MAD1L1: variants seen among roughly 807,000 people sequenced by gnomAD.
MAD1L1 encodes the protein mitotic spindle assembly checkpoint protein MAD1.
A neutral mutation model predicts 96.9 loss-of-function variants in MAD1L1; 95 were observed. The observed-to-expected ratio is 0.98, with a 90% CI of 0.83 to 1.16. The LOEUF is 1.16. Ranked by LOEUF, MAD1L1 falls within the 50% of genes most tolerant of loss-of-function variation. The pLI, the probability that MAD1L1 is intolerant of heterozygous loss-of-function variation, is 0.00. For missense variants in MAD1L1, 1,007 were observed against 954.4 expected, an observed-to-expected ratio of 1.06 and a Z score of -0.73; for synonymous variants, 473 against 396.6, an observed-to-expected ratio of 1.19 and a Z score of -2.29.
chr7:2,226,912 A>G (rs987550904), intron 3 of MAD1L1, among the ~76,000 whole-genome samples: 2 of 151,884 alleles, frequency 1.3e-5, no homozygotes, highest in Non-Finnish European at 2.9e-5. Context: ...GCTTGAACCC[A>G]GGAGGCGAAG....
At chr7:1,891,620 C>G (rs1786544662) in intron 18 of MAD1L1, among the ~76,000 whole-genome samples, 1 of 151,976 alleles carries the variant, frequency 6.6e-6, no homozygotes, top group Non-Finnish European at 1.5e-5. Flanking sequence ...CTCTGTCACC[C>G]AGGCTAGAGT....
intron 11 of MAD1L1, among the ~76,000 whole-genome samples, chr7:2,121,224 G>A (rs1787962567): frequency 6.6e-6 from 1 of 152,264 alleles, no homozygotes; most frequent in South Asian, 2.1e-4. Context: ...CCATTTCCAT[G>A]TGAGGTGTAG....
At chr7:2,099,362 C>T (rs993592257) in intron 11 of MAD1L1, among the ~76,000 whole-genome samples, 1 of 152,228 alleles carries the variant, frequency 6.6e-6, no homozygotes, top group Admixed American at 6.5e-5. Context: ...GCCCCTGCCG[C>T]CTTGGCTTCG....
chr7:1,967,760 C>T (rs991555792), intron 15 of MAD1L1, among the ~76,000 whole-genome samples: 4 of 152,328 alleles, frequency 2.6e-5, no homozygotes, highest in African/African-American at 4.8e-5. Context: ...AGGGCGCGGC[C>T]GGCCGCGGGG....
At chr7:2,118,147 G>A (rs540450512) in intron 11 of MAD1L1, among the ~76,000 whole-genome samples, 6 of 152,278 alleles carry the variant, frequency 3.9e-5, no homozygotes, top group East Asian at 1.9e-4. Flanking sequence ...GCCGCCAGCC[G>A]GCCACTCCTG....
chr7:2,065,690 T>C (rs1224731813), intron 12 of MAD1L1, among the ~76,000 whole-genome samples: 1 of 152,096 alleles, frequency 6.6e-6, no homozygotes, highest in Non-Finnish European at 1.5e-5. Flanking sequence ...GGTGTCACCA[T>C]GACAACCACA....
At chr7:1,959,128 T>C (rs1039632788) in intron 15 of MAD1L1, among the ~76,000 whole-genome samples, 1 of 152,156 alleles carries the variant, frequency 6.6e-6, no homozygotes, top group African/African-American at 2.4e-5. Flanking sequence ...GGTACACCCC[T>C]GTAGTCCCAG....
chr7:1,856,500 C>T (rs1411623745), intron 18 of MAD1L1, among the ~76,000 whole-genome samples: 2 of 152,248 alleles, frequency 1.3e-5, no homozygotes, highest in Admixed American at 6.5e-5. Context: ...GGCCAGCTGT[C>T]GGCTAATCTG....
chr7:2,215,909 C>G lies in MAD1L1; in HGVS notation c.900G>C (p.Leu300=). The G allele has an allele frequency of 6.2e-7, 1 of 1,614,214 alleles. No homozygotes were observed. The highest frequency in any genetic ancestry group is 8.5e-7 in the Non-Finnish European group (1 of 1,180,022). The part of the protein sequence containing the change: ...LGRQEKMQET[L]VGLELENERL... ...CCTCGTTCTCCAGCTCCAAGCCAAC[C>G]AGCGTCTCCTGCATCTTCTCCTGGC... Residue 300 remains leucine, a synonymous_variant, in exon 9 of 19, where the codon CTG becomes CTC. Transcript: ENST00000265854.
At chr7:2,031,229 C>A (rs1462308545) in intron 12 of MAD1L1, among the ~76,000 whole-genome samples, 1 of 152,208 alleles carries the variant, frequency 6.6e-6, no homozygotes, top group Non-Finnish European at 1.5e-5. Flanking sequence ...ACCAGGCACA[C>A]AGAGCACGCT....
At chr7:1,930,617 T>C (rs2128460836) in intron 17 of MAD1L1, among the ~76,000 whole-genome samples, 2 of 145,480 alleles carry the variant, frequency 1.4e-5, no homozygotes, top group South Asian at 4.5e-4. Flanking sequence ...GTCCCCTTGC[T>C]TCGTCCCACC....
chr7:1,888,526 G>A (rs999581037), intron 18 of MAD1L1, among the ~76,000 whole-genome samples: 3 of 134,548 alleles, frequency 2.2e-5, no homozygotes, highest in African/African-American at 8.9e-5. Flanking sequence ...GTGCATGCGT[G>A]TGTGGTTGCC....
At chr7:2,010,514 G>C (rs926496651) in intron 13 of MAD1L1, among the ~76,000 whole-genome samples, 6 of 152,206 alleles carry the variant, frequency 3.9e-5, no homozygotes, top group African/African-American at 1.4e-4. Context: ...TCTATCCACA[G>C]AGGACTCCTG....
At chr7:1,977,426 C>G (rs889275166) in intron 15 of MAD1L1, among the ~76,000 whole-genome samples, 2 of 152,240 alleles carry the variant, frequency 1.3e-5, no homozygotes, top group Non-Finnish European at 2.9e-5. Flanking sequence ...GCCCGCCAAG[C>G]CCACGCCCAC....
intron 18 of MAD1L1, among the ~76,000 whole-genome samples, chr7:1,822,727 A>ATTT: frequency 7.4e-6 from 1 of 134,554 alleles, no homozygotes; most frequent in Non-Finnish European, 1.6e-5. Context: ...CCCGGCCAGC[A>ATTT]TTTTTTTTTT....
chr7:1,823,846 C>T (rs1284840258), intron 18 of MAD1L1, among the ~76,000 whole-genome samples: 7 of 152,146 alleles, frequency 4.6e-5, no homozygotes, highest in South Asian at 2.1e-4. Flanking sequence ...GATCTGCAAG[C>T]GCCACGCACC....
chr7:1,901,360 G>T (rs543924080), intron 17 of MAD1L1, among the ~76,000 whole-genome samples: 1 of 152,324 alleles, frequency 6.6e-6, no homozygotes, highest in African/African-American at 2.4e-5. Flanking sequence ...AGAGCCCGGG[G>T]TTCCTCTGGA....
intron 10 of MAD1L1, among the ~76,000 whole-genome samples, chr7:2,174,010 C>T (rs897761614): frequency 1.3e-5 from 2 of 152,144 alleles, no homozygotes; most frequent in Non-Finnish European, 2.9e-5. Context: ...TGGGGTCTCA[C>T]TCTCCTATAC....
intron 10 of MAD1L1, among the ~76,000 whole-genome samples, chr7:2,167,673 T>C (rs1790505356): frequency 6.6e-6 from 1 of 151,994 alleles, no homozygotes; most frequent in South Asian, 2.1e-4. Context: ...GAGGCAGTAG[T>C]GAGCTATGAT....
Sources: gnomAD v4.1 joint callset for allele counts (sites outside exome capture counted in the v4.1 genomes callset) on GRCh38, gnomAD v4.1.1 for gene constraint, MANE v1.5 for transcripts, NCBI Gene and HGNC (gene_info 2026-07-23, HGNC 2026-07-21) for gene names.